VPS11: variants seen among roughly 807,000 people sequenced by gnomAD.
VPS11 encodes VPS11 core subunit of CORVET and HOPS complexes, also known as vacuolar protein sorting-associated protein 11 homolog.
In VPS11, 51 loss-of-function variants were observed where a neutral mutation model predicts 106.8. The ratio of observed to expected loss-of-function variants is 0.48; its 90% CI spans 0.38 to 0.60. VPS11 has a LOEUF of 0.60. Among genes scored for constraint, VPS11 ranks in the 20% least tolerant of loss-of-function variants. The pLI, the probability that VPS11 is intolerant of heterozygous loss-of-function variation, is 0.00. For synonymous variants in VPS11, 453 were observed against 458.7 expected, an observed-to-expected ratio of 0.99 and a Z score of 0.16; for missense variants, 950 against 1,190.0, an observed-to-expected ratio of 0.80 and a Z score of 2.97.
chr11:119,074,038 G>T, intron 7 of VPS11, 87 bp downstream of exon 7: 1 of 1,430,200 alleles, frequency 7.0e-7, no homozygotes, highest in South Asian at 1.4e-5. Context: ...CCAGGTAGGG[G>T]CTAGAATTCT....
chr11:119,077,388 C>T, intron 8 of VPS11, 113 bp from the exon 9 acceptor site: 1 of 1,402,644 alleles, frequency 7.1e-7, no homozygotes, highest in Admixed American at 2.4e-5. Context: ...ATAATATTTT[C>T]AAAGTGTGAA....
At chr11:119,072,991 GT>G (rs1347703932) in intron 5 of VPS11, 2 of 591,406 alleles carry the variant, frequency 3.4e-6, no homozygotes, top group African/African-American at 1.9e-5. Context: ...TGTTACTTGG[GT>G]TAATTGTAGG....
rs1282887106 is a variant in VPS11, at chr11:119,076,770, C to G, written c.1239-127C>G. ...TGGGACTTTGTTAGAAATGTAGAAT[C>G]TCAGGCCCCACTCCAGATCCACTGA... is the stretch of plus-strand genomic sequence containing the variant. On this transcript the variant is annotated intron_variant, in intron 7 of 15. Transcript: ENST00000621676. The G allele has an allele frequency of 2.7e-6, 3 of 1,112,422 alleles. No individual in the cohort carries two copies. In the Admixed American group the frequency reaches 6.4e-5, roughly 24 times the overall value. 68.9% of individuals were successfully genotyped at this position (1,112,422 alleles called of 1,614,324 possible).
Position 119,079,198 on chromosome 11 carries a change from T to G in VPS11, c.2336T>G (p.Leu779Arg), listed in dbSNP as rs1945756324. The part of the protein sequence containing the change: ...SVIRDYLVQK[L>R]QKQSQQIAQD... Reference sequence around the variant, plus strand: ...ATCAGGGACTACCTGGTCCAAAAACTACAGAAACAGAGCCAGCAGATTGCA... The same window carrying G: ...ATCAGGGACTACCTGGTCCAAAAACGACAGAAACAGAGCCAGCAGATTGCA... The change falls in exon 14 of 16, where the codon CTA (leucine) becomes CGA (arginine). Residue 779 changes from leucine to arginine, a missense_variant. By Grantham distance (102) the Leu-to-Arg change is moderately radical. Transcript: ENST00000621676. The G allele has an allele frequency of 1.9e-6, 3 of 1,613,444 alleles. No individual in the cohort carries two copies. Among genetic ancestry groups the G allele is most frequent in the Non-Finnish European group, 2.5e-6 (3 of 1,179,696 alleles).
In VPS11 at chr11:119,078,183, A is replaced by C; in HGVS notation, c.1772A>C (p.Glu591Ala). ...REAPGCRANS[E>A]EFIPIFANNP... ...CTCTTGCCATCCTAGGCCAACTCTG[A>C]GGAGTTCATCCCCATCTTTGCCAAT... Residue 591 changes from glutamate (E) to alanine (A), a missense_variant, in exon 11 of 16, where the codon GAG becomes GCG. Physicochemically the swap from Glu to Ala is moderately radical, Grantham distance 107. This residue lies in a region of VPS11 where 453 missense variants were observed against 514.6 expected (regional missense o/e 0.88). Transcript: ENST00000621676. 2 of 1,613,226 alleles carry C rather than the reference A, an allele frequency of 1.2e-6. No homozygotes were observed. The highest frequency in any genetic ancestry group is 1.7e-6 in the Non-Finnish European group (2 of 1,179,840).
Position 119,077,971 on chromosome 11 carries a change from A to G in VPS11, c.1666A>G (p.Ile556Val), listed in dbSNP as rs1945693534. 3.1e-6 allele frequency: 5 copies of G among 1,613,970 alleles called. No individual in the cohort carries two copies. Among genetic ancestry groups the G allele is most frequent in the East Asian group, 2.2e-5 (1 of 44,878 alleles). ...CTACGGCAAGATCCTCATGCACCAC[A>G]TACCAGAGCAGACAACTCAGTTGCT... is the stretch of plus-strand genomic sequence containing the variant. ...KRYGKILMHH[I>V]PEQTTQLLKG... The change falls in exon 10 of 16, where the codon ATA becomes GTA. Residue 556 changes from isoleucine (I) to valine (V), a missense_variant. By Grantham distance (29) the Ile-to-Val change is conservative (BLOSUM62 3). Coordinates refer to ENST00000621676, the MANE Select transcript of VPS11 (RefSeq NM_021729.6).
Position 119,071,825 on chromosome 11 carries a change from A to T in VPS11, c.866A>T (p.Asp289Val), listed in dbSNP as rs782120183. The change falls in exon 5 of 16, where the codon GAC (aspartate) becomes GTC (valine). Residue 289 changes from aspartate to valine, a missense_variant. Coordinates refer to ENST00000621676, the MANE Select transcript of VPS11 (RefSeq NM_021729.6). ...GGCTACCTTATCATTGTCTCCCGTG[A>T]CCGGAAGGTTTCTCCCAAGTAAGGA... Reference protein sequence around the residue: ...FRGYLIIVSRDRKVSPKSEFT... With the variant: ...FRGYLIIVSRVRKVSPKSEFT... 22 of 1,612,982 alleles carry T rather than the reference A, an allele frequency of 1.4e-5. No individual in the cohort carries two copies. Among genetic ancestry groups the T allele is most frequent in the Admixed American group, 6.7e-5 (4 of 59,986 alleles).
At position 119,081,281 on chromosome 11, in the gene VPS11, G is replaced by T. The variant is rs782251250; in HGVS notation, c.2628G>T (p.Gln876His). Residue 876 changes from glutamine (Q) to histidine (H), a missense_variant, in exon 15 of 16, where the codon CAG becomes CAT. Coordinates refer to ENST00000621676, the MANE Select transcript of VPS11 (RefSeq NM_021729.6). ...KVMDMIRAQEQKRDLHDQFQH... is the reference protein window; with the variant it reads ...KVMDMIRAQEHKRDLHDQFQH... ...TGGATATGATCCGGGCCCAGGAACA[G>T]AAACGAGATCTCCATGATCAATTCC... 3 of 1,613,878 alleles carry T rather than the reference G, an allele frequency of 1.9e-6. No individual in the cohort carries two copies. The highest frequency in any genetic ancestry group is 2.5e-6 in the Non-Finnish European group (3 of 1,179,888).
At chr11:119,076,866 C>G in intron 7 of VPS11, 31 bp from the exon 8 acceptor site, 2 of 1,610,944 alleles carry the variant, frequency 1.2e-6, no homozygotes, top group South Asian at 1.1e-5. Flanking sequence ...TACACTGATT[C>G]AGATGCTATC....
chr11:119,073,964 G>GT lies in VPS11; in HGVS notation c.1238+13_1238+14insT, dbSNP rs1945502147. On this transcript the variant is annotated intron_variant, in intron 7 of 15. Coordinates refer to ENST00000621676, the MANE Select transcript of VPS11 (RefSeq NM_021729.6). The stretch of plus-strand genomic sequence containing the variant: ...AGCAATATATCCGGTCAGTCTGGAG[G>GT]CACTTTGGGATATAGCTGTGAATGC... The GT allele has an allele frequency of 6.2e-7, 1 of 1,604,492 alleles. No individual in the cohort carries two copies. Among genetic ancestry groups the GT allele is most frequent in the Non-Finnish European group, 8.5e-7 (1 of 1,173,198 alleles).
At chr11:119,074,031 G>T (rs1055490495) in intron 7 of VPS11, 80 bp downstream of exon 7, 2 of 1,475,964 alleles carry the variant, frequency 1.4e-6, no homozygotes, top group African/African-American at 1.4e-5. Context: ...CCATGCTCCA[G>T]GTAGGGGCTA....
chr11:119,077,418 G>A (rs1271867865), intron 8 of VPS11, 83 bp from the exon 9 acceptor site: 32 of 1,515,348 alleles, frequency 2.1e-5, no homozygotes, highest in Non-Finnish European at 2.8e-5. Context: ...ATCACCTTAG[G>A]AATCTGAAAG....
At chr11:119,076,874 A>G (rs367998395) in intron 7 of VPS11, 23 bp from the exon 8 acceptor site, 22 of 1,612,890 alleles carry the variant, frequency 1.4e-5, no homozygotes, top group South Asian at 1.3e-4. Flanking sequence ...TTCAGATGCT[A>G]TCGGGTGCAC....
chr11:119,071,614 A>C lies in VPS11; in HGVS notation c.655A>C (p.Lys219Gln). The C allele has an allele frequency of 1.9e-6, 3 of 1,613,976 alleles. No homozygotes were observed. Among genetic ancestry groups the C allele is most frequent in the Non-Finnish European group, 2.5e-6 (3 of 1,179,886 alleles). ...ENVQSYIVSG[K>Q]DYPRVELDTH... is the part of the protein sequence containing the mutation. ...CTGGCAGTCCTATATAGTTTCTGGA[A>C]AAGACTACCCTCGCGTGGAGTTGGA... The change falls in exon 5 of 16, where the codon AAA becomes CAA. Residue 219 changes from lysine (K) to glutamine (Q), a missense_variant. This residue lies in a region of VPS11 where 435 missense variants were observed against 630.2 expected (regional missense o/e 0.69). Transcript: ENST00000621676.
At chr11:119,081,366 G>T (rs2134813885) in intron 15 of VPS11, 52 bp downstream of exon 15, 2 of 1,611,596 alleles carry the variant, frequency 1.2e-6, no homozygotes, top group East Asian at 4.5e-5. Context: ...GTGTCACAGA[G>T]TCACTGGAGG....
Position 119,078,823 on chromosome 11 carries a change from C to T in VPS11, c.2092C>T (p.Gln698Ter). 1.9e-6 allele frequency: 3 copies of T among 1,613,724 alleles called. No homozygotes were observed. Among genetic ancestry groups the T allele is most frequent in the Non-Finnish European group, 2.5e-6 (3 of 1,179,764 alleles). ...LFQQIMHYHM[Q>*]HEQYRQVISV... is the part of the protein sequence containing the mutation. ...CCAGCAGATCATGCACTACCACATG[C>T]AGCACGAGCAGTACCGGCAGGTCAT... Residue 698 changes from glutamine (Q) to a stop codon, truncating the protein, a stop_gained, in exon 13 of 16, where the codon CAG becomes TAG. Transcript: ENST00000621676. LOFTEE classifies it high-confidence loss of function.
At chr11:119,077,311 A>G (rs1945659505) in intron 8 of VPS11, among the ~76,000 whole-genome samples, 190 bp from the exon 9 acceptor site, 7 of 152,206 alleles carry the variant, frequency 4.6e-5, no homozygotes, top group Admixed American at 3.3e-4. Flanking sequence ...TCCTGTCCCT[A>G]GCGGTGTCCC....
At chr11:119,071,426 T>G (rs1393453268) in intron 4 of VPS11, among the ~76,000 whole-genome samples, 170 bp from the exon 5 acceptor site, 1 of 152,102 alleles carries the variant, frequency 6.6e-6, no homozygotes, top group Non-Finnish European at 1.5e-5. Context: ...GATCTCTGGT[T>G]ATATATTTAA....
intron 7 of VPS11, among the ~76,000 whole-genome samples, chr11:119,075,358 C>T (rs1287289574): frequency 6.6e-6 from 1 of 151,860 alleles, no homozygotes; most frequent in African/African-American, 2.4e-5. Flanking sequence ...TGCATGAGCC[C>T]AGTCTGAGCA....
Sources: gnomAD v4.1 joint callset for allele counts (sites outside exome capture counted in the v4.1 genomes callset) on GRCh38, gnomAD v4.1.1 for gene constraint, gnomAD v4.1.1 regional missense constraint, MANE v1.5 for transcripts, NCBI Gene and HGNC (gene_info 2026-07-23, HGNC 2026-07-21) for gene names.